The following BTC variants were observed in gnomAD, a reference collection of about 807,000 sequenced individuals.
BTC encodes betacellulin, also known as probetacellulin.
Under a neutral mutation model 18.1 loss-of-function variants are expected in BTC, and 13 were observed. That is an observed-to-expected ratio of 0.72 (90% CI 0.47 to 1.14). The LOEUF (loss-of-function observed/expected upper bound fraction) is 1.14. BTC is among the 50% of genes most tolerant of loss of function. BTC has a pLI of 0.00. For missense variants in BTC, 247 were observed against 224.2 expected (o/e 1.10, Z -0.65); for synonymous variants, 83 against 79.4 (o/e 1.05, Z -0.24).
intron 1 of BTC, among the ~76,000 whole-genome samples, chr4:74,779,391 C>G (rs1034518292): frequency 6.6e-6 from 1 of 152,046 alleles, no homozygotes; most frequent in Non-Finnish European, 1.5e-5. Context: ...GATTGAATGA[C>G]TAAATTTAAT....
rs189889195 is a variant in BTC, at chr4:74,752,452, C to A, written c.282-1733G>T. ...GGAGTGCAGTGGCGCAATTTCGGTT[C>A]ACTGCAACCTCCGTCTCCCGGGTTC... On this transcript the variant is annotated intron_variant, in intron 3 of 5. Transcript: ENST00000395743. Among the ~76,000 whole-genome samples, 689 of 141,646 alleles carry A rather than the reference C, an allele frequency of 4.9e-3. 5 individuals are homozygous for A. Among genetic ancestry groups the A allele is most frequent in the African/African-American group, 0.017 (646 of 38,152 alleles). 92.9% of individuals were successfully genotyped at this position (141,646 alleles called of 152,430 possible).
At chr4:74,753,678 C>G (rs1283760013) in intron 3 of BTC, among the ~76,000 whole-genome samples, 1 of 152,150 alleles carries the variant, frequency 6.6e-6, no homozygotes, top group Admixed American at 6.5e-5. Flanking sequence ...TTGCCTGAAT[C>G]TGTGCTATAT....
chr4:74,772,869 TTC>T (rs1725080074), intron 1 of BTC, among the ~76,000 whole-genome samples: 1 of 151,984 alleles, frequency 6.6e-6, no homozygotes, highest in African/African-American at 2.4e-5. Context: ...ACAGAGGGAG[TTC>T]TAATTCCTTT....
chr4:74,772,999 A>G (rs906071076), intron 1 of BTC, among the ~76,000 whole-genome samples: 1 of 152,142 alleles, frequency 6.6e-6, no homozygotes, highest in African/African-American at 2.4e-5. Context: ...TGCTGTCCTC[A>G]CAGGTGGAGG....
At chr4:74,769,073 G>T (rs1724973951) in intron 2 of BTC, among the ~76,000 whole-genome samples, 1 of 152,122 alleles carries the variant, frequency 6.6e-6, no homozygotes, top group Non-Finnish European at 1.5e-5. Context: ...AGGAAGACTT[G>T]CTCAGTGTGT....
chr4:74,778,268 G>T (rs1418734041), intron 1 of BTC, among the ~76,000 whole-genome samples: 2 of 152,080 alleles, frequency 1.3e-5, no homozygotes, highest in African/African-American at 2.4e-5. Context: ...AAATGTATTT[G>T]CTTTCAAAGC....
chr4:74,764,481 T>A (rs1724845278), intron 2 of BTC, among the ~76,000 whole-genome samples: 2 of 152,188 alleles, frequency 1.3e-5, no homozygotes, highest in Non-Finnish European at 2.9e-5. Context: ...TGGGGATTAT[T>A]CTGTTCAAGG....
intron 2 of BTC, among the ~76,000 whole-genome samples, chr4:74,759,805 AT>A (rs1393154817): frequency 1.3e-5 from 2 of 152,212 alleles, no homozygotes; most frequent in African/African-American, 2.4e-5. Context: ...TCTTTGGGTC[AT>A]ATGGGAAGTT....
intron 3 of BTC, among the ~76,000 whole-genome samples, chr4:74,753,966 T>C (rs1724530729): frequency 2.0e-5 from 3 of 152,274 alleles, no homozygotes; most frequent in Admixed American, 2.0e-4. Context: ...TTCGCATTTA[T>C]TATTTTGCTA....
intron 1 of BTC, among the ~76,000 whole-genome samples, chr4:74,776,517 C>T (rs949611647): frequency 6.6e-6 from 1 of 152,124 alleles, no homozygotes; most frequent in African/African-American, 2.4e-5. Flanking sequence ...TATTTTTATG[C>T]ATTTTGAGAT....
chr4:74,756,638 C>A (rs1295903948), intron 2 of BTC, among the ~76,000 whole-genome samples: 1 of 152,324 alleles, frequency 6.6e-6, no homozygotes, highest in East Asian at 1.9e-4. Flanking sequence ...GCCAGCTGCT[C>A]ACCAGGTGTC....
At position 74,746,371 on chromosome 4, in the gene BTC, C is replaced by T. The variant is rs1242405914; in HGVS notation, c.*306G>A. ...AATTCAATTCCTAAGACCTAACCTC[C>T]TTTCTACTTTTCTTTTTTGTTTGAC... On this transcript the variant is annotated 3_prime_UTR_variant, in exon 6 of 6. Transcript: ENST00000395743. 1 of 152,510 alleles carries T rather than the reference C, an allele frequency of 6.6e-6. No homozygotes were observed. The highest frequency in any genetic ancestry group is 1.5e-5 in the Non-Finnish European group (1 of 68,014). 9.4% of individuals were successfully genotyped at this position (152,510 alleles called of 1,614,324 possible).
At chr4:74,752,138 A>T (rs542180976) in intron 3 of BTC, among the ~76,000 whole-genome samples, 1 of 152,304 alleles carries the variant, frequency 6.6e-6, no homozygotes, top group South Asian at 2.1e-4. Context: ...CAAATAAACA[A>T]AAAAACAAGC....
intron 1 of BTC, among the ~76,000 whole-genome samples, chr4:74,777,189 T>C (rs557123919): frequency 3.0e-4 from 45 of 152,312 alleles, no homozygotes; most frequent in Non-Finnish European, 5.7e-4. Context: ...ATTGAGTTTC[T>C]CAACCACTGA....
intron 3 of BTC, among the ~76,000 whole-genome samples, chr4:74,754,197 G>A (rs1724537345): frequency 6.6e-6 from 1 of 152,204 alleles, no homozygotes; most frequent in African/African-American, 2.4e-5. Flanking sequence ...GTTCCATTCA[G>A]ATTAAGGCCT....
In BTC at chr4:74,784,327, C is replaced by T. The variant is rs1272069501; in HGVS notation, c.64+9935G>A. On this transcript the variant is annotated intron_variant, in intron 1 of 5. Coordinates refer to ENST00000395743, the MANE Select transcript of BTC (RefSeq NM_001729.4). ...TGAAGTTGCTTATCAGCTTAATAAGCTTTTGGGCTGAGACATGGGGTTTTC... is the reference window on the plus strand; with the variant it reads ...TGAAGTTGCTTATCAGCTTAATAAGTTTTTGGGCTGAGACATGGGGTTTTC... Among the ~76,000 whole-genome samples, 3 of 151,652 alleles carry T rather than the reference C, an allele frequency of 2.0e-5. No homozygotes were observed. In the East Asian group the frequency reaches 5.8e-4, roughly 29 times the overall value.
intron 1 of BTC, among the ~76,000 whole-genome samples, chr4:74,771,737 C>G (rs1044850768): frequency 6.6e-6 from 1 of 152,198 alleles, no homozygotes; most frequent in African/African-American, 2.4e-5. Context: ...TACTGCTTTT[C>G]TTGAGAACAA....
chr4:74,756,030 A>G, intron 2 of BTC, 54 bp from the exon 3 acceptor site: 2 of 1,363,380 alleles, frequency 1.5e-6, no homozygotes, highest in Non-Finnish European at 2.1e-6. Context: ...ATTCACTTGT[A>G]AATAGAATCA....
At position 74,768,250 on chromosome 4, in the gene BTC, A is replaced by G. The variant is rs939079276; in HGVS notation, c.163+1808T>C. Among the ~76,000 whole-genome samples the G allele has an allele frequency of 2.0e-5, 3 of 152,156 alleles. No individual in the cohort carries two copies. The East Asian group carries it at 5.8e-4, about 29-fold the overall frequency. ...CATAAAGAACTCTCACAATTCAATA[A>G]CAAGGAAACAAATAACCTAATAAAA... On this transcript the variant is annotated intron_variant, in intron 2 of 5. Coordinates refer to ENST00000395743, the MANE Select transcript of BTC (RefSeq NM_001729.4).
Sources: gnomAD v4.1 joint callset for allele counts (sites outside exome capture counted in the v4.1 genomes callset) on GRCh38, gnomAD v4.1.1 for gene constraint, MANE v1.5 for transcripts, NCBI Gene and HGNC (gene_info 2026-07-23, HGNC 2026-07-21) for gene names.